The following USP31 variants were observed in gnomAD, a reference collection of about 807,000 sequenced individuals.
USP31 encodes the protein ubiquitin carboxyl-terminal hydrolase 31.
A neutral mutation model predicts 119.4 loss-of-function variants in USP31; 44 were observed. That is an observed-to-expected ratio of 0.37 (90% CI 0.29 to 0.47). USP31 has a LOEUF of 0.47. Among genes scored for constraint, USP31 ranks in the 20% least tolerant of loss-of-function variants. The probability of loss-of-function intolerance (pLI) is 0.99; values close to 1 mark genes in which losing one functional copy is unlikely to be tolerated. For synonymous variants in USP31, 749 were observed against 705.6 expected, an observed-to-expected ratio of 1.06 and a Z score of -0.97; for missense variants, 1,643 against 1,730.2, an observed-to-expected ratio of 0.95 and a Z score of 0.89.
At chr16:23,075,651 T>A (rs994103711) in intron 13 of USP31, among the ~76,000 whole-genome samples, 2 of 152,182 alleles carry the variant, frequency 1.3e-5, no homozygotes, top group Non-Finnish European at 2.9e-5. Context: ...TGATAAAGGA[T>A]TGGAAATTTT....
chr16:23,079,780 C>T (rs1900735287), intron 13 of USP31, 166 bp downstream of exon 13: 3 of 599,018 alleles, frequency 5.0e-6, no homozygotes, highest in East Asian at 3.3e-5. Context: ...GAAGAATGTT[C>T]GTTTATTTGC....
At chr16:23,103,951 C>A (rs543780659) in intron 5 of USP31, among the ~76,000 whole-genome samples, 1 of 152,238 alleles carries the variant, frequency 6.6e-6, no homozygotes, top group Admixed American at 6.5e-5. Flanking sequence ...AACAAACAAA[C>A]AAAACAGAAA....
Position 23,087,188 on chromosome 16 carries a change from T to C in USP31, c.1528-2A>G. 6.2e-7 allele frequency: 1 copy of C among 1,610,198 alleles called. No homozygotes were observed. Among genetic ancestry groups the C allele is most frequent in the Non-Finnish European group, 8.5e-7 (1 of 1,178,868 alleles). ...CACACGCAAGCTGAATGGACACACC[T>C]GCATCAGATGTTAGATGAGAATTAA... On this transcript the variant is annotated splice_acceptor_variant, in intron 8 of 15. Transcript: ENST00000219689. LOFTEE classifies it high-confidence loss of function.
chr16:23,111,960 A>C (rs1271433970), intron 1 of USP31, among the ~76,000 whole-genome samples: 2 of 152,248 alleles, frequency 1.3e-5, no homozygotes, highest in African/African-American at 4.8e-5. Flanking sequence ...TCTGATGATC[A>C]GTTTGATCTG....
intron 1 of USP31, among the ~76,000 whole-genome samples, chr16:23,114,087 A>T (rs1261189598): frequency 6.6e-6 from 1 of 151,936 alleles, no homozygotes; most frequent in Non-Finnish European, 1.5e-5. Flanking sequence ...CCTAGGCAAC[A>T]GAGCAAGACC....
chr16:23,117,757 T>C (rs1043206466), intron 1 of USP31, among the ~76,000 whole-genome samples: 2 of 143,334 alleles, frequency 1.4e-5, no homozygotes, highest in Non-Finnish European at 3.2e-5. Context: ...TTTTCTTTTT[T>C]TTTTTGTTGT....
chr16:23,145,187 T>C (rs941028511), intron 1 of USP31, among the ~76,000 whole-genome samples: 2 of 152,196 alleles, frequency 1.3e-5, no homozygotes, highest in African/African-American at 4.8e-5. Context: ...TTGGTAATGC[T>C]TTCCTTGTTC....
At chr16:23,096,748 G>A (rs572412769) in intron 6 of USP31, among the ~76,000 whole-genome samples, 1 of 152,260 alleles carries the variant, frequency 6.6e-6, no homozygotes, top group South Asian at 2.1e-4. Flanking sequence ...TGACTACTGG[G>A]TAAATAACAA....
chr16:23,085,358 C>T (rs895469040), intron 10 of USP31, among the ~76,000 whole-genome samples: 2 of 152,158 alleles, frequency 1.3e-5, no homozygotes, highest in East Asian at 1.9e-4. Context: ...GAGTATACAG[C>T]TTCTCTTTCA....
chr16:23,127,616 AC>A (rs1486549509), intron 1 of USP31, among the ~76,000 whole-genome samples: 2 of 147,712 alleles, frequency 1.4e-5, no homozygotes, highest in Non-Finnish European at 3.0e-5. Flanking sequence ...GCACCTACCT[AC>A]CACTGCGCCT....
chr16:23,134,891 TAC>T (rs10580256), intron 1 of USP31, among the ~76,000 whole-genome samples: 104,131 of 149,658 alleles, frequency 0.7, 36,569 homozygotes, highest in East Asian at 0.81. Flanking sequence ...TGTTACCTTA[TAC>T]ACACACACAC....
rs1407004714 is a variant in USP31, at chr16:23,067,915, A to T, written c.*131T>A. The T allele has an allele frequency of 1.4e-5, 12 of 860,076 alleles. No homozygotes were observed. The Admixed American group carries it at 2.4e-4, about 17-fold the overall frequency. The allele number at this position is 860,076 out of a possible 1,614,324, so 53.3% of individuals were successfully genotyped here. ...ATTAGACACACACACGCATACACTC[A>T]CACACACACACACAGTCGGGCACGT... is the stretch of plus-strand genomic sequence containing the variant. On this transcript the variant is annotated 3_prime_UTR_variant, in exon 16 of 16. Coordinates refer to ENST00000219689, the MANE Select transcript of USP31 (RefSeq NM_020718.4).
chr16:23,144,018 A>T (rs1229717000), intron 1 of USP31, among the ~76,000 whole-genome samples: 2 of 152,188 alleles, frequency 1.3e-5, no homozygotes, highest in African/African-American at 4.8e-5. Flanking sequence ...TTTTTACAGC[A>T]TATCAAGGTT....
rs529683346 is a variant in USP31 at position 23,078,040 on chromosome 16, G to A, written c.2176+1906C>T. On this transcript the variant is annotated intron_variant, in intron 13 of 15. Transcript: ENST00000219689. ...ATTAAAAAGTATTTATAGGCCGGGC[G>A]CAGTGGCTCATGCCTGTAATCCCAG... 2.4e-4 allele frequency among the ~76,000 whole-genome samples: 37 copies of A among 152,228 alleles called. No individual in the cohort carries two copies. The South Asian group carries it at 3.5e-3, about 15-fold the overall frequency.
intron 10 of USP31, 147 bp downstream of exon 10, chr16:23,085,438 C>T (rs1408149050): frequency 1.4e-6 from 1 of 726,152 alleles, no homozygotes; most frequent in Non-Finnish European, 2.3e-6. Context: ...TAATAAACTG[C>T]TTAAATAAAG....
intron 1 of USP31, among the ~76,000 whole-genome samples, chr16:23,109,856 A>C (rs1400669376): frequency 6.6e-6 from 1 of 150,866 alleles, no homozygotes; most frequent in Non-Finnish European, 1.5e-5. Context: ...AAAAAAAAAA[A>C]AAAAATGTGA....
rs779156948 is a variant in USP31, at chr16:23,105,490, G to A, written c.1040C>T (p.Ala347Val). The change falls in exon 5 of 16, where the codon GCC becomes GTC. Residue 347 changes from alanine to valine, a missense_variant. Ala to Val is a moderately conservative substitution (Grantham distance 64). Around this residue, in one of 5 missense-constraint regions of USP31, gnomAD observed 144 missense variants for 218.0 expected, o/e 0.66. Transcript: ENST00000219689. ...GVAVPLSGTV[A>V]RLREAVSMET... ...CATAGACACTGCTTCCCGAAGTCTG[G>A]CGACAGTCCCAGACAGAGGTACGGC... 3.7e-6 allele frequency: 6 copies of A among 1,614,102 alleles called. No individual in the cohort carries two copies. Among genetic ancestry groups the A allele is most frequent in the Non-Finnish European group, 5.1e-6 (6 of 1,179,994 alleles).
At chr16:23,083,695 CGGGGGGGGGGG>C (rs11311505) in intron 11 of USP31, among the ~76,000 whole-genome samples, 3 of 37,906 alleles carry the variant, frequency 7.9e-5, no homozygotes, top group East Asian at 3.7e-3. Flanking sequence ...GCAAACCTGG[CGGGGGGGGGGG>C]GGGGGAAGGG....
At position 23,087,017 on chromosome 16, in the gene USP31, A is replaced by G. The variant is rs1256185711; in HGVS notation, c.1622+75T>C. 22 of 1,126,322 alleles carry G rather than the reference A, an allele frequency of 2.0e-5. No homozygotes were observed. In the Admixed American group the frequency reaches 3.7e-4, roughly 19 times the overall value. The allele number at this position is 1,126,322 out of a possible 1,614,324, so 69.8% of individuals were successfully genotyped here. On this transcript the variant is annotated intron_variant, in intron 9 of 15. Coordinates refer to ENST00000219689, the MANE Select transcript of USP31 (RefSeq NM_020718.4). ...CCCTGCACACTTATGTGGAAATTAT[A>G]TAAGACATCACTTGAAATCACACAT...
Sources: gnomAD v4.1 joint callset for allele counts (sites outside exome capture counted in the v4.1 genomes callset) on GRCh38, gnomAD v4.1.1 for gene constraint, gnomAD v4.1.1 regional missense constraint, MANE v1.5 for transcripts, NCBI Gene and HGNC (gene_info 2026-07-23, HGNC 2026-07-21) for gene names.